The following MAGI2 variants were observed in gnomAD, a reference collection of about 807,000 sequenced individuals.
MAGI2 encodes the protein membrane-associated guanylate kinase, WW and PDZ domain-containing protein 2.
In MAGI2, 35 loss-of-function variants were observed where a neutral mutation model predicts 133.3. The observed-to-expected ratio is 0.26, with a 90% CI of 0.20 to 0.35. The LOEUF (loss-of-function observed/expected upper bound fraction) is 0.35. Ranked by LOEUF, MAGI2 falls within the 10% of genes least tolerant of loss-of-function variation. The pLI is 1.00. For missense variants in MAGI2, 1,636 were observed against 1,863.4 expected (o/e 0.88, Z 2.25); for synonymous variants, 729 against 710.6 (o/e 1.03, Z -0.41).
At chr7:78,436,609 C>T (rs12537313) in intron 6 of MAGI2, among the ~76,000 whole-genome samples, 18,423 of 152,196 alleles carry the variant, frequency 0.12, 1,285 homozygotes, top group African/African-American at 0.2. Context: ...TCCCACTTTA[C>T]ATGATTTCAT....
chr7:79,079,596 T>A (rs1584878577), intron 1 of MAGI2, among the ~76,000 whole-genome samples: 1 of 152,248 alleles, frequency 6.6e-6, no homozygotes, highest in East Asian at 1.9e-4. Flanking sequence ...ATTTCTATTT[T>A]TTTCAAAAAG....
rs151211214 is a variant in MAGI2 at position 78,068,164 on chromosome 7, A to C, written c.3706+10783T>G. ...CTGTTCCACCTCAGATCCTCAGAGC[A>C]TCAGGCATTACATGCTCATAAGGAG... On this transcript the variant is annotated intron_variant, in intron 21 of 21. Coordinates refer to ENST00000354212, the MANE Select transcript of MAGI2 (RefSeq NM_012301.4). Among the ~76,000 whole-genome samples, 55 of 152,308 alleles carry C rather than the reference A, an allele frequency of 3.6e-4. 1 individual carries two copies. The East Asian group carries it at 0.011, about 29-fold the overall frequency.
At position 78,228,842 on chromosome 7, in the gene MAGI2, A is replaced by AC; in HGVS notation, c.2047+27100dup. Among the ~76,000 whole-genome samples the AC allele has an allele frequency of 2.0e-5, 3 of 152,230 alleles. No homozygotes were observed. The South Asian group carries it at 6.2e-4, about 32-fold the overall frequency. On this transcript the variant is annotated intron_variant, in intron 10 of 21. Coordinates refer to ENST00000354212, the MANE Select transcript of MAGI2 (RefSeq NM_012301.4). Reference sequence around the variant, plus strand: ...AACCTTTGTAGCTGAGGCCGTTGTTACCTATGGTGAATTCCAGAGTAATTA... The same window carrying AC: ...AACCTTTGTAGCTGAGGCCGTTGTTACCCTATGGTGAATTCCAGAGTAATTA...
chr7:78,736,247 G>A (rs759710785), intron 2 of MAGI2, among the ~76,000 whole-genome samples: 6 of 152,082 alleles, frequency 3.9e-5, no homozygotes, highest in Non-Finnish European at 8.8e-5. Context: ...TTTCCAGAGA[G>A]TATCTAATAA....
intron 2 of MAGI2, among the ~76,000 whole-genome samples, chr7:78,956,306 A>G (rs1802375595): frequency 6.6e-6 from 1 of 152,138 alleles, no homozygotes; most frequent in Non-Finnish European, 1.5e-5. Context: ...ATTTTTAAAA[A>G]TACCCCTCTC....
chr7:78,792,347 T>G (rs942643403), intron 2 of MAGI2, among the ~76,000 whole-genome samples: 2 of 152,234 alleles, frequency 1.3e-5, no homozygotes, highest in Non-Finnish European at 2.9e-5. Context: ...AATTTTATTT[T>G]GTACCACTCA....
At chr7:79,261,307 C>T (rs1004710095) in intron 1 of MAGI2, among the ~76,000 whole-genome samples, 2 of 152,184 alleles carry the variant, frequency 1.3e-5, no homozygotes, top group African/African-American at 2.4e-5. Flanking sequence ...CAGGGTTTCC[C>T]CTGGGCTACA....
chr7:79,256,686 C>T (rs150123710), intron 1 of MAGI2, among the ~76,000 whole-genome samples: 255 of 151,890 alleles, frequency 1.7e-3, no homozygotes, highest in African/African-American at 5.7e-3. Flanking sequence ...GACAGGGTTT[C>T]GCCGTGCTGC....
intron 2 of MAGI2, among the ~76,000 whole-genome samples, chr7:78,854,222 T>G (rs965260733): frequency 6.6e-6 from 1 of 152,172 alleles, no homozygotes; most frequent in African/African-American, 2.4e-5. Flanking sequence ...ATTTTGTAGT[T>G]AAACTTTAGA....
rs754226899 is a variant in MAGI2 at position 78,019,363 on chromosome 7, G to C, written c.4320C>G (p.Asp1440Glu). Residue 1440 changes from aspartate (D) to glutamate (E), a missense_variant, in exon 22 of 22, where the codon GAC (aspartate) becomes GAG (glutamate). Asp to Glu is a conservative substitution (Grantham distance 45). Around this residue, in one of 5 missense-constraint regions of MAGI2, gnomAD observed 354 missense variants for 298.7 expected, o/e 1.19. Transcript: ENST00000354212. ...CGGGTTTGAGGACGCTGGGCAGCTT[G>C]TCAGAACCCGGCACCTTCCAGGGCC... ...APGPWKVPGS[D>E]KLPSVLKPGA... The C allele has an allele frequency of 2.0e-6, 3 of 1,486,054 alleles. No individual in the cohort carries two copies. Among genetic ancestry groups the C allele is most frequent in the Non-Finnish European group, 2.7e-6 (3 of 1,125,704 alleles). The allele number at this position is 1,486,054 out of a possible 1,614,324, so 92.1% of individuals were successfully genotyped here.
intron 10 of MAGI2, among the ~76,000 whole-genome samples, chr7:78,235,775 G>A (rs2150889505): frequency 6.6e-6 from 1 of 151,986 alleles, no homozygotes; most frequent in Non-Finnish European, 1.5e-5. Context: ...CCTTTCTTCT[G>A]GATCCCCCAA....
At chr7:79,033,861 T>C (rs555102325) in intron 1 of MAGI2, among the ~76,000 whole-genome samples, 1 of 152,256 alleles carries the variant, frequency 6.6e-6, no homozygotes, top group South Asian at 2.1e-4. Flanking sequence ...AAAACATCTG[T>C]AACAACTTAT....
chr7:78,204,735 T>G (rs1298791595), intron 10 of MAGI2, among the ~76,000 whole-genome samples: 2 of 152,218 alleles, frequency 1.3e-5, no homozygotes, highest in Non-Finnish European at 2.9e-5. Flanking sequence ...TTATTTAATC[T>G]TGCGTCTTAT....
chr7:79,001,404 T>A (rs2116459140), intron 2 of MAGI2, among the ~76,000 whole-genome samples: 1 of 152,372 alleles, frequency 6.6e-6, no homozygotes, highest in East Asian at 1.9e-4. Context: ...CTTTTCATTT[T>A]GAAACTTTTA....
rs1208321949 is a variant in MAGI2, at chr7:78,304,781, C to CT, written c.1408+38996dup. Among the ~76,000 whole-genome samples, 4 of 152,274 alleles carry CT rather than the reference C, an allele frequency of 2.6e-5. No individual in the cohort carries two copies. The East Asian group carries it at 7.7e-4, about 29-fold the overall frequency. On this transcript the variant is annotated intron_variant, in intron 9 of 21. Coordinates refer to ENST00000354212, the MANE Select transcript of MAGI2 (RefSeq NM_012301.4). Reference sequence around the variant, plus strand: ...GTGGTTGCTACTTTAATAATGAAAGCTTCCCTGATAGGAGGCTATTTGAAC... The same window carrying CT: ...GTGGTTGCTACTTTAATAATGAAAGCTTTCCCTGATAGGAGGCTATTTGAAC...
At chr7:78,340,687 C>T (rs1382227870) in intron 9 of MAGI2, among the ~76,000 whole-genome samples, 3 of 152,126 alleles carry the variant, frequency 2.0e-5, no homozygotes, top group African/African-American at 7.2e-5. Flanking sequence ...ATCACATAAG[C>T]AGAATCAATG....
chr7:78,069,572 G>GC lies in MAGI2; in HGVS notation c.3706+9374_3706+9375insG, dbSNP rs1198906942. Among the ~76,000 whole-genome samples, 3 of 142,878 alleles carry GC rather than the reference G, an allele frequency of 2.1e-5. No homozygotes were observed. The East Asian group carries it at 6.5e-4, about 31-fold the overall frequency. 93.7% of individuals were successfully genotyped at this position (142,878 alleles called of 152,430 possible). On this transcript the variant is annotated intron_variant, in intron 21 of 21. Coordinates refer to ENST00000354212, the MANE Select transcript of MAGI2 (RefSeq NM_012301.4). The stretch of plus-strand genomic sequence containing the variant: ...AGAGAGAGAGAGAGAGAGAGAGAGA[G>GC]GCTTCTGATTCCTCTTAAAGAAGTG...
intron 2 of MAGI2, among the ~76,000 whole-genome samples, chr7:78,892,890 A>G (rs1359252442): frequency 6.6e-6 from 1 of 152,188 alleles, no homozygotes; most frequent in Non-Finnish European, 1.5e-5. Context: ...GGATCTAATT[A>G]AACTAAACAG....
At chr7:78,751,691 T>C (rs1207873) in intron 2 of MAGI2, among the ~76,000 whole-genome samples, 117,705 of 152,126 alleles carry the variant, frequency 0.77, 46,084 homozygotes, top group Non-Finnish European at 0.85. Context: ...ACAGAACAAT[T>C]TCCTGGAGAT....
Sources: allele counts gnomAD v4.1 joint callset (sites outside exome capture counted in the v4.1 genomes callset), GRCh38; gene constraint gnomAD v4.1.1; regional missense constraint gnomAD v4.1.1; transcripts MANE v1.5; gene names NCBI Gene and HGNC (gene_info 2026-07-23, HGNC 2026-07-21).